Variants in KCNN1 observed in about 807,000 individuals in gnomAD.
The protein encoded by KCNN1 is small conductance calcium-activated potassium channel protein 1.
KCNN1 carries 20 observed loss-of-function variants against 44.7 expected under a neutral mutation model. The ratio of observed to expected loss-of-function variants is 0.45; its 90% CI spans 0.32 to 0.65. The LOEUF is 0.65. KCNN1 is among the 30% of genes least tolerant of loss of function. The probability of loss-of-function intolerance (pLI) is 0.05; values close to 1 mark genes in which losing one functional copy is unlikely to be tolerated. For missense variants in KCNN1, 632 were observed against 785.3 expected (o/e 0.80, Z 2.33); for synonymous variants, 324 against 341.7 (o/e 0.95, Z 0.57).
rs769914874 is a variant in KCNN1 at position 17,989,737 on chromosome 19, G to A, written c.1192G>A (p.Val398Ile). ...CCAGGTAAAAAACGCCGCTGCTAAC[G>A]TTCTCAGGGAGACGTGGCTCATCTA... ...TKRVKNAAAN[V>I]LRETWLIYKH... The change falls in exon 7 of 10, where the codon GTT becomes ATT. Residue 398 changes from valine to isoleucine, a missense_variant. Val to Ile is a conservative substitution (Grantham distance 29). This residue lies in a region of KCNN1 where 237 missense variants were observed against 253.0 expected (regional missense o/e 0.94). Transcript: ENST00000684775. The A allele has an allele frequency of 1.7e-5, 28 of 1,613,836 alleles. No homozygotes were observed. The highest frequency in any genetic ancestry group is 8.3e-5 in the Admixed American group (5 of 59,976).
intron 2 of KCNN1, among the ~76,000 whole-genome samples, chr19:17,956,621 G>A (rs1420635682): frequency 2.6e-5 from 4 of 151,596 alleles, no homozygotes; most frequent in Non-Finnish European, 4.4e-5. Flanking sequence ...TGGTGCATGT[G>A]TGTGGTCCCA....
At chr19:17,956,016 A>G (rs1417614389) in intron 2 of KCNN1, among the ~76,000 whole-genome samples, 1 of 150,714 alleles carries the variant, frequency 6.6e-6, no homozygotes, top group Non-Finnish European at 1.5e-5. Flanking sequence ...TGCAACCTCC[A>G]CCCTCCACCC....
chr19:17,985,495 C>G (rs754005275), intron 5 of KCNN1, 42 bp downstream of exon 5: 2 of 1,496,946 alleles, frequency 1.3e-6, no homozygotes, highest in South Asian at 2.7e-5. Flanking sequence ...GGAGGTCCAG[C>G]CAGCTGCCCG....
At chr19:17,967,588 A>G (rs1275387219) in intron 1 of KCNN1, among the ~76,000 whole-genome samples, 1 of 148,596 alleles carries the variant, frequency 6.7e-6, no homozygotes, top group African/African-American at 2.5e-5. Context: ...GTGAGTCTCC[A>G]AACTGCATAG....
rs2032120963 is a variant in KCNN1, at chr19:17,974,064, C to T, written c.176C>T (p.Pro59Leu). The T allele has an allele frequency of 6.2e-7, 1 of 1,611,354 alleles. No homozygotes were observed. The highest frequency in any genetic ancestry group is 1.7e-4 in the Middle Eastern group (1 of 6,044). ...SEPARPSPGS[P>L]RGQPQDQDDD... ...CCAGCCCGGCCCTCACCCGGCAGCC[C>T]CCGGGGGCAGCCCCAGGACCAGGAC... Residue 59 changes from proline to leucine, a missense_variant, in exon 2 of 10, where the codon CCC (proline) becomes CTC (leucine). Physicochemically the swap from Pro to Leu is moderately conservative, Grantham distance 98. Around this residue, in one of 3 missense-constraint regions of KCNN1, gnomAD observed 235 missense variants for 224.0 expected, o/e 1.05. Transcript: ENST00000684775. This position sits in a 1 kb window ranked among gnomAD's most constrained non-coding sequence, Gnocchi z 7.3.
rs554163532 is a variant in KCNN1, at chr19:17,998,463, G to A, written c.*57G>A. 3,187 of 1,431,156 alleles carry A rather than the reference G, an allele frequency of 2.2e-3. 8 individuals carry two copies. Among genetic ancestry groups the A allele is most frequent in the Non-Finnish European group, 2.6e-3 (2,884 of 1,093,478 alleles). 88.7% of individuals were successfully genotyped at this position (1,431,156 alleles called of 1,614,324 possible). ...TGGCCATCGTGTGGCCGCCACCTCC[G>A]GGAAGCCTTGTACAGTGGCGCCTCT... On this transcript the variant is annotated 3_prime_UTR_variant, in exon 10 of 10. Coordinates refer to ENST00000684775, the MANE Select transcript of KCNN1 (RefSeq NM_001386974.1). The surrounding 1 kb of genome is among the most constrained non-coding windows in gnomAD (Gnocchi z 5.4).
In KCNN1 at chr19:17,969,079, C is replaced by A. The variant is rs75722051; in HGVS notation, c.-82+1762C>A. Among the ~76,000 whole-genome samples the A allele has an allele frequency of 3.4e-3, 514 of 152,194 alleles. 1 individual carries two copies. Among genetic ancestry groups the A allele is most frequent in the Admixed American group, 6.2e-3 (95 of 15,290 alleles). On this transcript the variant is annotated intron_variant, in intron 1 of 9. Coordinates refer to ENST00000684775, the MANE Select transcript of KCNN1 (RefSeq NM_001386974.1). ...AACCTTGGCTGAGGGTTCCCAGGGG[C>A]TCCTGGGTCTCTGGGAATCCCTGAG... is the stretch of plus-strand genomic sequence containing the variant.
chr19:17,983,884 A>C lies in KCNN1; in HGVS notation c.918-1428A>C, dbSNP rs1337018981. On this transcript the variant is annotated intron_variant, in intron 4 of 9. Coordinates refer to ENST00000684775, the MANE Select transcript of KCNN1 (RefSeq NM_001386974.1). The surrounding 1 kb of genome is among the most constrained non-coding windows in gnomAD (Gnocchi z 4.5). ...TAAGATGGGGGTCAGTCAGCTGGGC[A>C]CCGTGGCTCATGCCTGTAATCCCAG... is the stretch of plus-strand genomic sequence containing the variant. 6.6e-6 allele frequency among the ~76,000 whole-genome samples: 1 copy of C among 151,866 alleles called. No individual in the cohort carries two copies. The highest frequency in any genetic ancestry group is 6.6e-5 in the Admixed American group (1 of 15,224).
chr19:17,973,792 C>A lies in KCNN1; in HGVS notation c.-81-16C>A. 1.3e-6 allele frequency: 2 copies of A among 1,497,156 alleles called. No homozygotes were observed. The highest frequency in any genetic ancestry group is 1.4e-5 in the African/African-American group (1 of 71,430). 92.7% of individuals were successfully genotyped at this position (1,497,156 alleles called of 1,614,324 possible). ...GCTGGACCCTGCTGTGACCATGTCC[C>A]TCTGTGCCCTTGCAGGTCAGTGCAG... is the stretch of plus-strand genomic sequence containing the variant. On this transcript the variant is annotated splice_polypyrimidine_tract_variant and intron_variant, in intron 1 of 9. Transcript: ENST00000684775.
intron 7 of KCNN1, among the ~76,000 whole-genome samples, chr19:17,991,938 G>C (rs2032810178): frequency 6.6e-6 from 1 of 152,132 alleles, no homozygotes; most frequent in Non-Finnish European, 1.5e-5. Flanking sequence ...TTGACCCACA[G>C]GCCATAATAT....
intron 3 of KCNN1, among the ~76,000 whole-genome samples, chr19:17,980,810 G>A (rs1020040885): frequency 6.6e-6 from 1 of 152,254 alleles, no homozygotes; most frequent in Middle Eastern, 3.4e-3. Flanking sequence ...GGAGACTGAG[G>A]CAGGAGGATC....
rs368978806 is a variant in KCNN1, at chr19:17,993,509, G to A, written c.1327G>A (p.Glu443Lys). 7 of 1,613,130 alleles carry A rather than the reference G, an allele frequency of 4.3e-6. No homozygotes were observed. The highest frequency in any genetic ancestry group is 5.9e-6 in the Non-Finnish European group (7 of 1,179,662). Residue 443 changes from glutamate (E) to lysine (K), a missense_variant, in exon 9 of 10, where the codon GAG becomes AAG. Glu to Lys is a moderately conservative substitution (Grantham distance 56). This residue lies in a region of KCNN1 where 237 missense variants were observed against 253.0 expected (regional missense o/e 0.94). Transcript: ENST00000684775. This position sits in a 1 kb window ranked among gnomAD's most constrained non-coding sequence, Gnocchi z 4.5. Reference sequence around the variant, plus strand: ...CCACAGGCTCCGGAGTGTGAAGATCGAGCAAGGGAAGCTGAACGACCAGGC... The same window carrying A: ...CCACAGGCTCCGGAGTGTGAAGATCAAGCAAGGGAAGCTGAACGACCAGGC... ...QAQKLRSVKI[E>K]QGKLNDQANT...
chr19:17,971,468 T>A (rs1161498949), intron 1 of KCNN1, among the ~76,000 whole-genome samples: 2 of 149,958 alleles, frequency 1.3e-5, no homozygotes, highest in African/African-American at 2.5e-5. Flanking sequence ...GTATTATTAT[T>A]ATTTTTTTTT....
intron 1 of KCNN1, among the ~76,000 whole-genome samples, chr19:17,953,413 C>A (rs940348427): frequency 1.6e-4 from 25 of 152,360 alleles, no homozygotes; most frequent in African/African-American, 6.0e-4. Context: ...ACCATTGCCC[C>A]GATCCCAGGT....
intron 2 of KCNN1, among the ~76,000 whole-genome samples, chr19:17,957,243 GGGGAAA>G (rs1351761817): frequency 1.8e-4 from 19 of 103,852 alleles, no homozygotes; most frequent in South Asian, 3.9e-4. Flanking sequence ...TGGTGGGGAA[GGGGAAA>G]GGGAAAGGGA....
chr19:17,998,068 C>T lies in KCNN1; in HGVS notation c.1378-84C>T. 1 of 1,420,886 alleles carries T rather than the reference C, an allele frequency of 7.0e-7. No homozygotes were observed. Among genetic ancestry groups the T allele is most frequent in the Non-Finnish European group, 9.3e-7 (1 of 1,072,588 alleles). 88.0% of individuals were successfully genotyped at this position (1,420,886 alleles called of 1,614,324 possible). On this transcript the variant is annotated intron_variant, in intron 9 of 9. Coordinates refer to ENST00000684775, the MANE Select transcript of KCNN1 (RefSeq NM_001386974.1). The surrounding 1 kb of genome is among the most constrained non-coding windows in gnomAD (Gnocchi z 5.4). ...ACCCACCTGGAGCGTGTGGGCTGTC[C>T]CTCTCTGTCATTGGTGTCGTGGTAT...
chr19:17,977,983 G>T (rs1170615302), intron 3 of KCNN1, among the ~76,000 whole-genome samples: 8 of 152,108 alleles, frequency 5.3e-5, no homozygotes, highest in Non-Finnish European at 2.9e-5. Flanking sequence ...TGGGAAAGGA[G>T]CGACTGCTAA....
rs549157208 is a variant in KCNN1, at chr19:17,979,683, C to G, written c.499-2026C>G. 1.2e-4 allele frequency among the ~76,000 whole-genome samples: 18 copies of G among 152,152 alleles called. No homozygotes were observed. In the East Asian group the frequency reaches 3.5e-3, roughly 29 times the overall value. On this transcript the variant is annotated intron_variant, in intron 3 of 9. Coordinates refer to ENST00000684775, the MANE Select transcript of KCNN1 (RefSeq NM_001386974.1). ...CTGGCCCTGGATATGGCCAGGGTAC[C>G]CCATGGAGGGTGAGCAATGGCGCTG... is the stretch of plus-strand genomic sequence containing the variant.
At chr19:17,961,676 G>T (rs2031684849) in intron 2 of KCNN1, among the ~76,000 whole-genome samples, 2 of 149,668 alleles carry the variant, frequency 1.3e-5, no homozygotes, top group Admixed American at 1.4e-4. Flanking sequence ...CTGCCTCCCA[G>T]GTTCAAGCAG....
Sources: allele counts gnomAD v4.1 joint callset (sites outside exome capture counted in the v4.1 genomes callset), GRCh38; gene constraint gnomAD v4.1.1; regional missense constraint gnomAD v4.1.1; non-coding constraint Gnocchi (gnomAD v3.1); transcripts MANE v1.5; gene names NCBI Gene and HGNC (gene_info 2026-07-23, HGNC 2026-07-21).